The following GPR158 variants were observed in gnomAD, a reference collection of about 807,000 sequenced individuals.
The protein encoded by GPR158 is metabotropic glycine receptor.
GPR158 carries 30 observed loss-of-function variants against 78.2 expected under a neutral mutation model. The observed-to-expected ratio is 0.38, with a 90% CI of 0.29 to 0.52. GPR158 has a LOEUF of 0.52. GPR158 is among the 20% of genes least tolerant of loss of function. GPR158 has a pLI of 0.83. For missense variants in GPR158, 1,463 were observed against 1,523.5 expected (o/e 0.96, Z 0.66); for synonymous variants, 581 against 591.1 (o/e 0.98, Z 0.25).
intron 4 of GPR158, among the ~76,000 whole-genome samples, chr10:25,423,557 C>T (rs1478310073): frequency 6.7e-6 from 1 of 149,928 alleles, no homozygotes; most frequent in Admixed American, 6.7e-5. Flanking sequence ...TATGACAGGC[C>T]CCAGTGTGTG....
At chr10:25,248,338 A>G (rs1457632161) in intron 2 of GPR158, among the ~76,000 whole-genome samples, 1 of 151,914 alleles carries the variant, frequency 6.6e-6, no homozygotes, top group Non-Finnish European at 1.5e-5. Context: ...CCATTTGTCA[A>G]TTTTGTCTTT....
intron 2 of GPR158, among the ~76,000 whole-genome samples, chr10:25,230,783 A>G (rs1853437032): frequency 6.6e-6 from 1 of 152,224 alleles, no homozygotes; most frequent in Non-Finnish European, 1.5e-5. Context: ...TTAAAATAGT[A>G]GATTATAAAT....
In GPR158 at chr10:25,488,494, T is replaced by G. The variant is rs1378898611; in HGVS notation, c.1404+21775T>G. On this transcript the variant is annotated intron_variant, in intron 5 of 10. Transcript: ENST00000376351. ...TTTTCACAATGCATATATGTTATCT[T>G]TGTGAAACAAAAAAAAGATAAAGAA... 2.6e-5 allele frequency among the ~76,000 whole-genome samples: 4 copies of G among 152,320 alleles called. No homozygotes were observed. The East Asian group carries it at 7.7e-4, about 29-fold the overall frequency.
At chr10:25,375,173 C>T (rs1834058657) in intron 2 of GPR158, among the ~76,000 whole-genome samples, 1 of 151,574 alleles carries the variant, frequency 6.6e-6, no homozygotes, top group South Asian at 2.1e-4. Flanking sequence ...ACTTATTTTT[C>T]ATAAGTATAT....
chr10:25,372,740 G>T (rs540840680), intron 2 of GPR158, among the ~76,000 whole-genome samples: 33 of 148,394 alleles, frequency 2.2e-4, no homozygotes, highest in South Asian at 4.4e-4. Context: ...GATAGCACTG[G>T]GAGATATACC....
intron 2 of GPR158, among the ~76,000 whole-genome samples, chr10:25,362,724 C>T (rs1048162171): frequency 6.6e-6 from 1 of 151,738 alleles, no homozygotes; most frequent in Non-Finnish European, 1.5e-5. Flanking sequence ...ATAGAATTTT[C>T]TTAACTTTTA....
At chr10:25,207,287 A>G (rs952981559) in intron 1 of GPR158, among the ~76,000 whole-genome samples, 3 of 152,164 alleles carry the variant, frequency 2.0e-5, no homozygotes, top group Admixed American at 1.3e-4. Context: ...TGCCTTTGCT[A>G]TGACTCATTC....
chr10:25,598,650 T>G lies in GPR158; in HGVS notation c.3024T>G (p.Pro1008=). 1 of 1,614,042 alleles carries G rather than the reference T, an allele frequency of 6.2e-7. No homozygotes were observed. The highest frequency in any genetic ancestry group is 8.5e-7 in the Non-Finnish European group (1 of 1,180,008). The change falls in exon 11 of 11, where the codon CCT becomes CCG. Residue 1008 remains proline (P), a synonymous_variant. Coordinates refer to ENST00000376351, the MANE Select transcript of GPR158 (RefSeq NM_020752.3). ...ACTTTGACATTGGGGAGGTGTGTCC[T>G]TGGGAGGTTTATGACCTGACCCCTG... ...KDNFDIGEVC[P]WEVYDLTPGP...
At chr10:25,355,969 A>T (rs745969402) in intron 2 of GPR158, among the ~76,000 whole-genome samples, 1 of 152,024 alleles carries the variant, frequency 6.6e-6, no homozygotes, top group Non-Finnish European at 1.5e-5. Flanking sequence ...TCACCTCCCC[A>T]CTTTCTCTCC....
chr10:25,561,309 T>C (rs1472478159), intron 6 of GPR158, among the ~76,000 whole-genome samples: 1 of 152,224 alleles, frequency 6.6e-6, no homozygotes, highest in Non-Finnish European at 1.5e-5. Context: ...TTCTGCTGAT[T>C]AATCAGTGCT....
chr10:25,335,136 A>G (rs901495875), intron 2 of GPR158, among the ~76,000 whole-genome samples: 9 of 152,098 alleles, frequency 5.9e-5, no homozygotes, highest in Non-Finnish European at 1.0e-4. Context: ...TTGTGATGTT[A>G]TGTTTCTAGA....
intron 2 of GPR158, among the ~76,000 whole-genome samples, chr10:25,309,400 GT>G (rs57075346): frequency 0.2 from 30,715 of 151,646 alleles, 5,247 homozygotes; most frequent in African/African-American, 0.47. Context: ...TTTGAATTCA[GT>G]TTTTTTTCCA....
At chr10:25,325,441 A>G (rs1369445241) in intron 2 of GPR158, among the ~76,000 whole-genome samples, 4 of 145,566 alleles carry the variant, frequency 2.7e-5, no homozygotes, top group African/African-American at 1.0e-4. Flanking sequence ...CTAAATATAT[A>G]TATGTATGTC....
intron 2 of GPR158, among the ~76,000 whole-genome samples, chr10:25,235,948 A>G (rs949007876): frequency 1.2e-4 from 19 of 152,076 alleles, no homozygotes; most frequent in Non-Finnish European, 2.9e-5. Flanking sequence ...TGCCCGCCTC[A>G]GCCCCCCAAA....
intron 4 of GPR158, among the ~76,000 whole-genome samples, chr10:25,413,501 A>C (rs571805510): frequency 2.6e-5 from 4 of 152,208 alleles, no homozygotes; most frequent in Non-Finnish European, 5.9e-5. Flanking sequence ...ATGCTTGCAG[A>C]AATTTATCTG....
intron 2 of GPR158, among the ~76,000 whole-genome samples, chr10:25,258,180 T>A (rs1853916335): frequency 6.6e-6 from 1 of 152,220 alleles, no homozygotes. Flanking sequence ...AATCTTAAAC[T>A]AAGTGTAAGC....
chr10:25,204,385 T>C (rs1357370931), intron 1 of GPR158, among the ~76,000 whole-genome samples: 1 of 152,248 alleles, frequency 6.6e-6, no homozygotes, highest in Non-Finnish European at 1.5e-5. Flanking sequence ...ATATTGGCTG[T>C]GGGTTTGTCA....
intron 7 of GPR158, among the ~76,000 whole-genome samples, chr10:25,588,558 C>T (rs1837300652): frequency 6.6e-6 from 1 of 152,164 alleles, no homozygotes; most frequent in African/African-American, 2.4e-5. Context: ...ACTTATTGTA[C>T]TGGGCTTAGT....
At chr10:25,560,657 T>C (rs758723727) in intron 6 of GPR158, among the ~76,000 whole-genome samples, 20 of 152,240 alleles carry the variant, frequency 1.3e-4, no homozygotes, top group Non-Finnish European at 2.8e-4. Context: ...GAATTAAATA[T>C]TTGTCTTTTT....
Sources: gnomAD v4.1 joint callset for allele counts (sites outside exome capture counted in the v4.1 genomes callset) on GRCh38, gnomAD v4.1.1 for gene constraint, MANE v1.5 for transcripts, NCBI Gene and HGNC (gene_info 2026-07-23, HGNC 2026-07-21) for gene names.